Variants in MAF observed in about 807,000 individuals in gnomAD.
MAF encodes the protein transcription factor Maf.
MAF carries 10 observed loss-of-function variants against 22.0 expected under a neutral mutation model. That is an observed-to-expected ratio of 0.45 (90% confidence interval 0.28 to 0.77). MAF has a LOEUF of 0.77. MAF is among the 30% of genes least tolerant of loss of function. MAF has a pLI of 0.12. For synonymous variants in MAF, 337 were observed against 255.8 expected, an observed-to-expected ratio of 1.32 and a Z score of -3.03; for missense variants, 544 against 548.4, an observed-to-expected ratio of 0.99 and a Z score of 0.08.
chr16:79,582,616 G>A (rs9923729), downstream of MAF, among the ~76,000 whole-genome samples: 2,470 of 152,324 alleles, frequency 0.016, 72 homozygotes, highest in African/African-American at 0.056. Flanking sequence ...AGGGGGTGAT[G>A]TGGTAGTTAG....
the MAF span, chr16:79,211,863 C>T: frequency 6.2e-7 from 1 of 1,601,398 alleles, no homozygotes; most frequent in East Asian, 2.2e-5. Flanking sequence ...AGTGCCAGGG[C>T]TGGGCCCCTT....
At chr16:79,531,449 A>T in the MAF span, among the ~76,000 whole-genome samples, 1 of 151,998 alleles carries the variant, frequency 6.6e-6, no homozygotes, top group Admixed American at 6.6e-5. Flanking sequence ...TGTGCATTTT[A>T]TTATTATTAA....
chr16:79,558,057 A>G, the MAF span, among the ~76,000 whole-genome samples: 1 of 151,046 alleles, frequency 6.6e-6, no homozygotes, highest in South Asian at 2.1e-4. Context: ...AGAATGTGAC[A>G]CCTGTCCTGG....
At chr16:79,490,714 C>G in the MAF span, among the ~76,000 whole-genome samples, 6 of 152,280 alleles carry the variant, frequency 3.9e-5, no homozygotes, top group Admixed American at 2.0e-4. Context: ...TACTTTCACT[C>G]TCAAAGTTCT....
chr16:79,230,557 C>T, the MAF span, among the ~76,000 whole-genome samples: 1 of 152,120 alleles, frequency 6.6e-6, no homozygotes, highest in African/African-American at 2.4e-5. Context: ...GGGTCGAATC[C>T]TGGTTCTACA....
At chr16:79,511,856 G>T in the MAF span, among the ~76,000 whole-genome samples, 4 of 152,138 alleles carry the variant, frequency 2.6e-5, no homozygotes, top group African/African-American at 9.7e-5. Context: ...AGAGCTCATG[G>T]TAATAAATTC....
chr16:79,427,415 T>C, the MAF span, among the ~76,000 whole-genome samples: 2 of 152,352 alleles, frequency 1.3e-5, no homozygotes, highest in African/African-American at 4.8e-5. Flanking sequence ...GATGTCTACC[T>C]AGCTCTTTAA....
chr16:79,516,945 G>C, the MAF span, among the ~76,000 whole-genome samples: 1 of 152,210 alleles, frequency 6.6e-6, no homozygotes, highest in African/African-American at 2.4e-5. Flanking sequence ...GGAAAAGGTT[G>C]AGAACCTCTG....
At chr16:79,397,196 C>G in the MAF span, among the ~76,000 whole-genome samples, 1 of 152,200 alleles carries the variant, frequency 6.6e-6, no homozygotes, top group African/African-American at 2.4e-5. Flanking sequence ...TGGTTTGAAT[C>G]CTTTGGCAAT....
the MAF span, among the ~76,000 whole-genome samples, chr16:79,467,488 G>C: frequency 1.3e-5 from 2 of 152,174 alleles, no homozygotes; most frequent in Non-Finnish European, 1.5e-5. Context: ...AGGAAACTGA[G>C]GCATAGAGAA....
chr16:79,455,954 G>A, the MAF span, among the ~76,000 whole-genome samples: 21 of 152,194 alleles, frequency 1.4e-4, no homozygotes, highest in Admixed American at 2.6e-4. Context: ...GGAGACGGAG[G>A]TTGCAGTGAG....
At chr16:79,353,107 A>T in the MAF span, among the ~76,000 whole-genome samples, 1 of 150,790 alleles carries the variant, frequency 6.6e-6, no homozygotes, top group Non-Finnish European at 1.5e-5. Context: ...TTTATAAATG[A>T]TGCAAACTCA....
chr16:79,509,150 T>C, the MAF span, among the ~76,000 whole-genome samples: 2 of 152,224 alleles, frequency 1.3e-5, no homozygotes, highest in African/African-American at 4.8e-5. Context: ...TGAAGTTACT[T>C]GACTTTTTTG....
the MAF span, among the ~76,000 whole-genome samples, chr16:79,433,883 C>T: frequency 6.6e-6 from 1 of 152,212 alleles, no homozygotes; most frequent in Non-Finnish European, 1.5e-5. Context: ...TCCCCTCGCA[C>T]TCCTACATAG....
chr16:79,244,915 C>T, the MAF span, among the ~76,000 whole-genome samples: 6 of 152,032 alleles, frequency 3.9e-5, no homozygotes, highest in African/African-American at 1.2e-4. Flanking sequence ...TAATACCACA[C>T]CTCTACAACC....
At chr16:79,221,652 A>G in the MAF span, among the ~76,000 whole-genome samples, 1 of 152,260 alleles carries the variant, frequency 6.6e-6, no homozygotes, top group Non-Finnish European at 1.5e-5. Context: ...CATCATCTGG[A>G]CAGCTGATAA....
At chr16:79,332,569 G>C in the MAF span, among the ~76,000 whole-genome samples, 1 of 152,210 alleles carries the variant, frequency 6.6e-6, no homozygotes. Context: ...AAAGTACTGA[G>C]ATTACTGGCA....
chr16:79,337,675 GA>G, the MAF span, among the ~76,000 whole-genome samples: 4 of 152,214 alleles, frequency 2.6e-5, no homozygotes, highest in Non-Finnish European at 5.9e-5. Context: ...TGTTAGGGGT[GA>G]AAGCAGCAGG....
At chr16:79,240,960 G>C in the MAF span, among the ~76,000 whole-genome samples, 1 of 152,040 alleles carries the variant, frequency 6.6e-6, no homozygotes, top group East Asian at 1.9e-4. Flanking sequence ...CTTACCGATA[G>C]AAGAAAAACT....
Sources: allele counts gnomAD v4.1 joint callset (sites outside exome capture counted in the v4.1 genomes callset), GRCh38; gene constraint gnomAD v4.1.1; transcripts MANE v1.5; gene names NCBI Gene and HGNC (gene_info 2026-07-23, HGNC 2026-07-21).